Variants in PLAGL1 observed in about 807,000 individuals in gnomAD.
The protein encoded by PLAGL1 is PLAG1 like zinc finger 1.
Under a neutral mutation model 4.6 loss-of-function variants are expected in PLAGL1, and 1 was observed. That is an observed-to-expected ratio of 0.22 (90% CI 0.08 to 1.03). The LOEUF is 1.03. PLAGL1 is among the 50% of genes least tolerant of loss of function. PLAGL1 has a pLI of 0.58. For missense variants in PLAGL1, 464 were observed against 570.4 expected (o/e 0.81, Z 1.90); for synonymous variants, 240 against 237.8 (o/e 1.01, Z -0.08).
In PLAGL1 at chr6:144,015,458, C is replaced by A. The variant is rs1178795702; in HGVS notation, c.-150-46480G>T. On this transcript the variant is annotated intron_variant, in intron 1 of 3. Coordinates refer to the PLAGL1 transcript ENST00000437412. The surrounding 1 kb of genome is among the most constrained non-coding windows in gnomAD (Gnocchi z 4.3). ...GGATTTTACTAAAATAAAACCTGAT[C>A]TTTAAAAGAGACCATTAAGGAAAAA... is the stretch of plus-strand genomic sequence containing the variant. Among the ~76,000 whole-genome samples the A allele has an allele frequency of 1.3e-5, 2 of 152,104 alleles. No individual in the cohort carries two copies. The highest frequency in any genetic ancestry group is 6.6e-5 in the Admixed American group (1 of 15,264).
At chr6:144,019,669 G>A (rs550039477) in intron 1 of PLAGL1, among the ~76,000 whole-genome samples, 16 of 151,852 alleles carry the variant, frequency 1.1e-4, no homozygotes, top group Admixed American at 5.2e-4. Context: ...AACCTCAATC[G>A]GTTCAGCAAA....
rs527686384 is a variant in PLAGL1 at position 143,964,357 on chromosome 6, G to C, written c.-399+430C>G. 5.9e-5 allele frequency among the ~76,000 whole-genome samples: 9 copies of C among 152,260 alleles called. No individual in the cohort carries two copies. The South Asian group carries it at 1.7e-3, about 28-fold the overall frequency. On this transcript the variant is annotated intron_variant, in intron 5 of 7. Transcript: ENST00000674357. The surrounding 1 kb of genome is among the most constrained non-coding windows in gnomAD (Gnocchi z 4.3). ...CTTCCAGAGGCCATGAAAATCTCCA[G>C]GTCCTAGGACACACTCCATGGGGGA... is the stretch of plus-strand genomic sequence containing the variant.
At chr6:143,999,741 G>A (rs78721725) in intron 1 of PLAGL1, among the ~76,000 whole-genome samples, 23,085 of 152,062 alleles carry the variant, frequency 0.15, 1,956 homozygotes, top group Admixed American at 0.26. Context: ...CAAATCATGT[G>A]AATAAATATG....
Position 143,973,545 on chromosome 6 carries a change from C to A in PLAGL1, c.-543-4567G>T, listed in dbSNP as rs1785828193. Reference sequence around the variant, plus strand: ...GGCCCCCTGACATTCCATAAATAAACTTCTCCCTCTCACTCTCCCTTTCTT... The same window carrying A: ...GGCCCCCTGACATTCCATAAATAAAATTCTCCCTCTCACTCTCCCTTTCTT... On this transcript the variant is annotated intron_variant, in intron 2 of 7. Transcript: ENST00000674357. The surrounding 1 kb of genome is among the most constrained non-coding windows in gnomAD (Gnocchi z 6.2). Among the ~76,000 whole-genome samples, 1 of 152,170 alleles carries A rather than the reference C, an allele frequency of 6.6e-6. No individual in the cohort carries two copies. Among genetic ancestry groups the A allele is most frequent in the Admixed American group, 6.5e-5 (1 of 15,280 alleles).
At chr6:144,047,662 T>C (rs1468703965) in intron 1 of PLAGL1, among the ~76,000 whole-genome samples, 6 of 152,164 alleles carry the variant, frequency 3.9e-5, no homozygotes, top group Non-Finnish European at 8.8e-5. Flanking sequence ...ACCATCCCCA[T>C]GATCCAATCA....
rs113999906 is a variant in PLAGL1 at position 144,049,812 on chromosome 6, T to G, written c.-151+14656A>C. On this transcript the variant is annotated intron_variant, in intron 1 of 3. Coordinates refer to the PLAGL1 transcript ENST00000437412. ...TTTTCAAATAAAAAACTGAGACACA[T>G]GGAGGTTTGATAACTGTGTGACATA... 7.3e-3 allele frequency among the ~76,000 whole-genome samples: 1,111 copies of G among 152,260 alleles called. 9 individuals carry two copies. Among genetic ancestry groups the G allele is most frequent in the African/African-American group, 0.024 (1,013 of 41,556 alleles).
In PLAGL1 at chr6:143,995,917, A is replaced by G. The variant is rs1242544052; in HGVS notation, c.-583-10743T>C. 1.3e-5 allele frequency among the ~76,000 whole-genome samples: 2 copies of G among 152,220 alleles called. No homozygotes were observed. The highest frequency in any genetic ancestry group is 3.8e-4 in the East Asian group (2 of 5,204). ...TGGTGGCCAGCCATAAAGTTAAAGC[A>G]AAGAGAAGAACTGAAATCTAGACCT... On this transcript the variant is annotated intron_variant, in intron 1 of 7. Coordinates refer to ENST00000674357, the MANE Select transcript of PLAGL1 (RefSeq NM_001317162.2). This position sits in a 1 kb window ranked among gnomAD's most constrained non-coding sequence, Gnocchi z 4.4.
In PLAGL1 at chr6:144,056,624, A is replaced by G. The variant is rs74469809; in HGVS notation, c.-151+7844T>C. Among the ~76,000 whole-genome samples the G allele has an allele frequency of 2.6e-3, 390 of 152,182 alleles. 1 individual carries two copies. Among genetic ancestry groups the G allele is most frequent in the African/African-American group, 9.0e-3 (375 of 41,526 alleles). On this transcript the variant is annotated intron_variant, in intron 1 of 3. Transcript: ENST00000437412. The surrounding 1 kb of genome is among the most constrained non-coding windows in gnomAD (Gnocchi z 4.7). ...TTTCACTTAGTAATATGCATTTAAG[A>G]TTCCTCCATGTCCTTTCATGGCTTG...
At position 143,948,396 on chromosome 6, in the gene PLAGL1, A is replaced by T. The variant is rs1780273999; in HGVS notation, c.-260T>A. 1 of 424,332 alleles carries T rather than the reference A, an allele frequency of 2.4e-6. No individual in the cohort carries two copies. 26.3% of individuals were successfully genotyped at this position (424,332 alleles called of 1,614,324 possible). On this transcript the variant is annotated 5_prime_UTR_variant, in exon 7 of 8. Coordinates refer to ENST00000674357, the MANE Select transcript of PLAGL1 (RefSeq NM_001317162.2). This position sits in a 1 kb window ranked among gnomAD's most constrained non-coding sequence, Gnocchi z 6.0. ...GGAGAAAGTCTGAGGCACAGGTGCG[A>T]TTCAGGAGCAGAAAGGTAATCTGCA...
At chr6:144,007,951 C>A (rs992485487) in intron 1 of PLAGL1, 139 bp downstream of exon 1, 2 of 151,910 alleles carry the variant, frequency 1.3e-5, no homozygotes, top group African/African-American at 4.8e-5. Context: ...CCGCGGAGCC[C>A]GGACCCGCAC....
At chr6:143,969,541 T>C (rs887308536) in intron 2 of PLAGL1, among the ~76,000 whole-genome samples, 1 of 151,898 alleles carries the variant, frequency 6.6e-6, no homozygotes, top group Non-Finnish European at 1.5e-5. Flanking sequence ...TCCCAGCATT[T>C]TGAGAGGCCA....
intron 7 of PLAGL1, among the ~76,000 whole-genome samples, chr6:143,943,814 G>C (rs1444929983): frequency 2.0e-5 from 3 of 152,200 alleles, no homozygotes; most frequent in African/African-American, 7.2e-5. Context: ...TTTTATATTT[G>C]TGAAGCAGAA....
rs1245103751 is a variant in PLAGL1, at chr6:144,048,774, T to C, written c.-151+15694A>G. ...ATGCCCTGAAATGTTTTCCCCATCATCTTGGCTATTAATATGTGGCTCCTC... is the reference window on the plus strand; with the variant it reads ...ATGCCCTGAAATGTTTTCCCCATCACCTTGGCTATTAATATGTGGCTCCTC... On this transcript the variant is annotated intron_variant, in intron 1 of 3. Coordinates refer to the PLAGL1 transcript ENST00000437412. The surrounding 1 kb of genome is among the most constrained non-coding windows in gnomAD (Gnocchi z 4.8). Among the ~76,000 whole-genome samples the C allele has an allele frequency of 6.6e-6, 1 of 152,220 alleles. No homozygotes were observed. The highest frequency in any genetic ancestry group is 2.4e-5 in the African/African-American group (1 of 41,454).
rs1778803620 is a variant in PLAGL1, at chr6:143,942,287, C to A, written c.529G>T (p.Val177Phe). 1 of 1,613,868 alleles carries A rather than the reference C, an allele frequency of 6.2e-7. No individual in the cohort carries two copies. Among genetic ancestry groups the A allele is most frequent in the Admixed American group, 1.7e-5 (1 of 60,000 alleles). The change falls in exon 8 of 8, where the codon GTC (valine) becomes TTC (phenylalanine). Residue 177 changes from valine (V) to phenylalanine (F), a missense_variant. This residue lies in a region of PLAGL1 where 35 missense variants were observed against 77.3 expected (regional missense o/e 0.45). Transcript: ENST00000674357. This position sits in a 1 kb window ranked among gnomAD's most constrained non-coding sequence, Gnocchi z 7.6. ...TRKDVRRHLV[V>F]HTGCKDFLCQ... ...AGGAAGTCCTTGCATCCTGTGTGGA[C>A]CACCAGGTGGCGTCGCACATCCTTC...
chr6:144,028,703 T>C (rs901358486), intron 1 of PLAGL1, among the ~76,000 whole-genome samples: 3 of 152,192 alleles, frequency 2.0e-5, no homozygotes, highest in Non-Finnish European at 4.4e-5. Flanking sequence ...TCAGTTTTCT[T>C]TGCTCTACTT....
intron 1 of PLAGL1, among the ~76,000 whole-genome samples, chr6:144,040,735 T>C (rs1797666132): frequency 6.6e-6 from 1 of 151,950 alleles, no homozygotes; most frequent in African/African-American, 2.4e-5. Context: ...AAAATTTGTG[T>C]GGTAGCACAT....
chr6:144,024,198 C>G (rs1258250465), intron 1 of PLAGL1, among the ~76,000 whole-genome samples: 1 of 152,224 alleles, frequency 6.6e-6, no homozygotes, highest in Non-Finnish European at 1.5e-5. Flanking sequence ...CAGTGACACT[C>G]TGCTGATGGT....
At chr6:143,987,073 A>G (rs1467192649) in intron 1 of PLAGL1, among the ~76,000 whole-genome samples, 2 of 152,194 alleles carry the variant, frequency 1.3e-5, no homozygotes, top group African/African-American at 4.8e-5. Flanking sequence ...AATATATTAA[A>G]AACATTTTCA....
Position 143,998,092 on chromosome 6 carries a change from T to C in PLAGL1, c.-584+9998A>G, listed in dbSNP as rs1583553920. On this transcript the variant is annotated intron_variant, in intron 1 of 7. Coordinates refer to ENST00000674357, the MANE Select transcript of PLAGL1 (RefSeq NM_001317162.2). ...AGCAAAGTGTGGCTAAACTTTACAG[T>C]TTTTCTTACCCCCAAATAAGCCAAA... 3.3e-5 allele frequency among the ~76,000 whole-genome samples: 5 copies of C among 152,252 alleles called. 1 individual carries two copies. The highest frequency in any genetic ancestry group is 3.3e-4 in the Admixed American group (5 of 15,296).
Sources: allele counts gnomAD v4.1 joint callset (sites outside exome capture counted in the v4.1 genomes callset), GRCh38; gene constraint gnomAD v4.1.1; regional missense constraint gnomAD v4.1.1; non-coding constraint Gnocchi (gnomAD v3.1); transcripts MANE v1.5; gene names NCBI Gene and HGNC (gene_info 2026-07-23, HGNC 2026-07-21).